CAPN9: variants seen among roughly 807,000 people sequenced by gnomAD.
CAPN9 encodes calpain-9.
A neutral mutation model predicts 92.8 loss-of-function variants in CAPN9; 81 were observed. That is an observed-to-expected ratio of 0.87 (90% CI 0.73 to 1.05). CAPN9 has a LOEUF of 1.05. CAPN9 is among the 50% of genes least tolerant of loss of function. The pLI, the probability that CAPN9 is intolerant of heterozygous loss-of-function variation, is 0.00. For missense variants in CAPN9, 848 were observed against 866.2 expected (o/e 0.98, Z 0.26); for synonymous variants, 304 against 328.0 (o/e 0.93, Z 0.79).
At position 230,747,699 on chromosome 1, in the gene CAPN9, A is replaced by G; in HGVS notation, c.203A>G (p.Lys68Arg). The G allele has an allele frequency of 6.2e-7, 1 of 1,613,174 alleles. No homozygotes were observed. The highest frequency in any genetic ancestry group is 8.5e-7 in the Non-Finnish European group (1 of 1,179,444). Residue 68 changes from lysine to arginine, a missense_variant, in exon 1 of 20, where the codon AAA becomes AGA. Coordinates refer to ENST00000271971, the MANE Select transcript of CAPN9 (RefSeq NM_006615.3). ...AGGCCGCAGATCCCCTTTGTGTGGA[A>G]ACGACCAGGGGTGAGTGGGGCGAGC... The part of the protein sequence containing the change: ...SERPQIPFVW[K>R]RPGEIVKNPE...
chr1:230,769,666 T>TATCTATCTATC (rs1553259390), intron 6 of CAPN9, among the ~76,000 whole-genome samples: 1,440 of 118,402 alleles, frequency 0.012, 21 homozygotes, highest in Middle Eastern at 0.016. Flanking sequence ...TCTATCTATC[T>TATCTATCTATC]ATCTATCTAT....
chr1:230,758,566 T>A (rs1009425156), intron 2 of CAPN9, among the ~76,000 whole-genome samples: 1 of 152,108 alleles, frequency 6.6e-6, no homozygotes, highest in Admixed American at 6.5e-5. Context: ...GAATTAGCTT[T>A]CCCGATGTTC....
intron 1 of CAPN9, among the ~76,000 whole-genome samples, chr1:230,749,985 A>C (rs77895776): frequency 0.015 from 2,331 of 152,306 alleles, 68 homozygotes; most frequent in African/African-American, 0.053. Flanking sequence ...AGCTGGACGC[A>C]CAAACCAGCA....
At chr1:230,786,516 A>G (rs900627756) in intron 12 of CAPN9, among the ~76,000 whole-genome samples, 2 of 152,220 alleles carry the variant, frequency 1.3e-5, no homozygotes, top group African/African-American at 4.8e-5. Context: ...TTGGACAGGC[A>G]GTTGCTAGGC....
intron 19 of CAPN9, among the ~76,000 whole-genome samples, chr1:230,799,573 A>G (rs1306927803): frequency 1.3e-5 from 2 of 152,332 alleles, no homozygotes; most frequent in Middle Eastern, 3.4e-3. Flanking sequence ...TAGTATCTCA[A>G]AAATATTAGC....
At chr1:230,800,231 GAAGAAAGA>G (rs56677043) in intron 19 of CAPN9, among the ~76,000 whole-genome samples, 3,661 of 51,130 alleles carry the variant, frequency 0.072, 131 homozygotes, top group East Asian at 0.097. Context: ...AAGAAAGAAA[GAAGAAAGA>G]AAGAAAGAAA....
At position 230,780,715 on chromosome 1, in the gene CAPN9, C is replaced by A; in HGVS notation, c.1481+7C>A. 1.2e-6 allele frequency: 2 copies of A among 1,610,908 alleles called. No individual in the cohort carries two copies. The highest frequency in any genetic ancestry group is 2.2e-5 in the South Asian group (2 of 90,940). On this transcript the variant is annotated splice_region_variant and intron_variant, in intron 11 of 19. Coordinates refer to ENST00000271971, the MANE Select transcript of CAPN9 (RefSeq NM_006615.3). ...AGAAAAAAGCCATTACCCGGTGAGT[C>A]AGAGGAACAGCTTCCAGAATCCCAC... is the stretch of plus-strand genomic sequence containing the variant.
chr1:230,766,543 T>C (rs1665994621), intron 4 of CAPN9, among the ~76,000 whole-genome samples: 1 of 152,106 alleles, frequency 6.6e-6, no homozygotes, highest in Non-Finnish European at 1.5e-5. Context: ...ACAAGGACAG[T>C]CTTATAAACT....
intron 4 of CAPN9, among the ~76,000 whole-genome samples, chr1:230,766,885 A>C (rs1666018814): frequency 6.6e-6 from 1 of 152,116 alleles, no homozygotes; most frequent in Non-Finnish European, 1.5e-5. Context: ...AAACCATCAG[A>C]TCTGATGAGA....
chr1:230,772,074 G>A lies in CAPN9; in HGVS notation c.850G>A (p.Glu284Lys), dbSNP rs145028426. ...IRIRNPWGQVEWNGSWSDSSP... is the reference protein window; with the variant it reads ...IRIRNPWGQVKWNGSWSDSSP... ...AATCCGGAACCCTTGGGGCCAGGTT[G>A]AGTGGAACGGGTCGTGGAGCGACAG... Residue 284 changes from glutamate to lysine, a missense_variant, in exon 7 of 20, where the codon GAG becomes AAG. By Grantham distance (56) the Glu-to-Lys change is moderately conservative (BLOSUM62 1). Coordinates refer to ENST00000271971, the MANE Select transcript of CAPN9 (RefSeq NM_006615.3). The A allele has an allele frequency of 2.5e-6, 4 of 1,614,138 alleles. No homozygotes were observed. In the African/African-American group the frequency reaches 5.3e-5, roughly 22 times the overall value.
chr1:230,755,684 C>T (rs893659708), intron 2 of CAPN9, among the ~76,000 whole-genome samples: 2 of 152,250 alleles, frequency 1.3e-5, no homozygotes, highest in African/African-American at 4.8e-5. Flanking sequence ...GGCTCTCCTA[C>T]ACCACCACAG....
chr1:230,788,152 C>T (rs1166280065), intron 13 of CAPN9, among the ~76,000 whole-genome samples: 1 of 152,144 alleles, frequency 6.6e-6, no homozygotes, highest in African/African-American at 2.4e-5. Flanking sequence ...CACGCCTGGC[C>T]CCAGGTGCTT....
At chr1:230,792,054 A>C in intron 15 of CAPN9, 126 bp downstream of exon 15, 1 of 755,706 alleles carries the variant, frequency 1.3e-6, no homozygotes. Context: ...AGTCTTCTTC[A>C]CAGAAAATAA....
rs1558119865 is a variant in CAPN9 at position 230,795,177 on chromosome 1, A to G, written c.1885A>G (p.Ser629Gly). 6.2e-7 allele frequency: 1 copy of G among 1,611,606 alleles called. No individual in the cohort carries two copies. The highest frequency in any genetic ancestry group is 8.5e-7 in the Non-Finnish European group (1 of 1,178,270). The change falls in exon 18 of 20, where the codon AGC (serine) becomes GGC (glycine). Residue 629 changes from serine (S) to glycine (G), a missense_variant. Coordinates refer to ENST00000271971, the MANE Select transcript of CAPN9 (RefSeq NM_006615.3). The stretch of plus-strand genomic sequence containing the variant: ...TGTCCCCACAGGCTTTCAGCTGAGC[A>G]GCCACCTCCTGCAGCTGATTGTGCT... ...ALKAAGFQLS[S>G]HLLQLIVLRY...
chr1:230,752,562 G>A (rs920734697), intron 1 of CAPN9: 5 of 405,358 alleles, frequency 1.2e-5, no homozygotes, highest in African/African-American at 2.2e-5. Flanking sequence ...CAGTTGGTAC[G>A]GTTGGCGGGG....
intron 6 of CAPN9, among the ~76,000 whole-genome samples, chr1:230,771,665 C>T (rs1019965350): frequency 6.6e-6 from 1 of 152,234 alleles, no homozygotes; most frequent in Non-Finnish European, 1.5e-5. Flanking sequence ...AGACTTGGCT[C>T]CTGCCTCTAG....
Position 230,772,085 on chromosome 1 carries a change from G to GT in CAPN9, c.862dup (p.Ser288PhefsTer16). 3 of 1,614,210 alleles carry GT rather than the reference G, an allele frequency of 1.9e-6. No individual in the cohort carries two copies. The East Asian group carries it at 6.7e-5, about 36-fold the overall frequency. Reference sequence around the variant, plus strand: ...CTTGGGGCCAGGTTGAGTGGAACGGGTCGTGGAGCGACAGGTCAGTCACCC... The same window carrying GT: ...CTTGGGGCCAGGTTGAGTGGAACGGGTTCGTGGAGCGACAGGTCAGTCACCC... On this transcript the variant is annotated frameshift_variant, in exon 7 of 20. Transcript: ENST00000271971. LOFTEE classifies it high-confidence loss of function.
intron 8 of CAPN9, chr1:230,776,459 C>A (rs1432637203): frequency 6.6e-6 from 1 of 152,188 alleles, no homozygotes; most frequent in African/African-American, 2.4e-5. Flanking sequence ...AACCATTTTC[C>A]AGCTCGAACA....
At chr1:230,756,327 A>AG (rs1665226754) in intron 2 of CAPN9, among the ~76,000 whole-genome samples, 1 of 152,036 alleles carries the variant, frequency 6.6e-6, no homozygotes, top group African/African-American at 2.4e-5. Context: ...AGAGAGAGAG[A>AG]AGCAAATGGA....
Sources: allele counts gnomAD v4.1 joint callset (sites outside exome capture counted in the v4.1 genomes callset), GRCh38; gene constraint gnomAD v4.1.1; transcripts MANE v1.5; gene names NCBI Gene and HGNC (gene_info 2026-07-23, HGNC 2026-07-21).